SH3GL2: variants seen among roughly 807,000 people sequenced by gnomAD.
The protein encoded by SH3GL2 is endophilin-A1.
In SH3GL2, 24 loss-of-function variants were observed where a neutral mutation model predicts 46.0. The ratio of observed to expected loss-of-function variants is 0.52; its 90% confidence interval spans 0.38 to 0.73. The LOEUF (loss-of-function observed/expected upper bound fraction) is 0.73. Ranked by LOEUF, SH3GL2 falls within the 30% of genes least tolerant of loss-of-function variation. The pLI is 0.00. For synonymous variants in SH3GL2, 196 were observed against 147.1 expected (o/e 1.33, Z -2.40); for missense variants, 413 against 424.2 (o/e 0.97, Z 0.23).
Position 17,795,645 on chromosome 9 carries a change from A to T in SH3GL2, c.961A>T (p.Asn321Tyr). 6.2e-7 allele frequency: 1 copy of T among 1,614,004 alleles called. No individual in the cohort carries two copies. The highest frequency in any genetic ancestry group is 8.5e-7 in the Non-Finnish European group (1 of 1,179,874). ...AGAGGGCGATATCATCACACTCACTAACCAAATTGATGAGAACTGGTATGA... is the reference window on the plus strand; with the variant it reads ...AGAGGGCGATATCATCACACTCACTTACCAAATTGATGAGAACTGGTATGA... Reference protein sequence around the residue: ...FKEGDIITLTNQIDENWYEGM... With the variant: ...FKEGDIITLTYQIDENWYEGM... Residue 321 changes from asparagine to tyrosine, a missense_variant, in exon 9 of 9, where the codon AAC becomes TAC. Asn to Tyr is a moderately radical substitution (Grantham distance 143). Coordinates refer to ENST00000380607, the MANE Select transcript of SH3GL2 (RefSeq NM_003026.5).
chr9:17,677,133 G>A lies in SH3GL2; in HGVS notation c.46-69933G>A, dbSNP rs925550598. 6.6e-5 allele frequency among the ~76,000 whole-genome samples: 10 copies of A among 151,964 alleles called. No homozygotes were observed. In the East Asian group the frequency reaches 7.7e-4, roughly 12 times the overall value. On this transcript the variant is annotated intron_variant, in intron 1 of 8. Transcript: ENST00000380607. ...GATTTTCTGTCCTGAGAGAACCCAC[G>A]TTCATATTCTGACTTGGTCTCTGTG...
intron 1 of SH3GL2, among the ~76,000 whole-genome samples, chr9:17,629,410 T>C (rs1000701279): frequency 3.3e-5 from 5 of 152,230 alleles, no homozygotes; most frequent in African/African-American, 7.2e-5. Flanking sequence ...GAAATACTTA[T>C]TGAATGAATG....
intron 1 of SH3GL2, among the ~76,000 whole-genome samples, chr9:17,680,294 C>T (rs879564890): frequency 2.6e-5 from 4 of 152,122 alleles, no homozygotes; most frequent in Non-Finnish European, 5.9e-5. Context: ...TTAATTATTG[C>T]CTCAATTTCA....
At chr9:17,751,858 C>G (rs552073383) in intron 2 of SH3GL2, among the ~76,000 whole-genome samples, 255 of 152,178 alleles carry the variant, frequency 1.7e-3, no homozygotes, top group Non-Finnish European at 3.1e-3. Flanking sequence ...GACACACCCC[C>G]CCGGTGTGGG....
At chr9:17,610,360 A>G (rs1042284102) in intron 1 of SH3GL2, among the ~76,000 whole-genome samples, 3 of 152,132 alleles carry the variant, frequency 2.0e-5, no homozygotes, top group Non-Finnish European at 2.9e-5. Flanking sequence ...AGTGAACACT[A>G]TGTTCTGTCT....
intron 1 of SH3GL2, chr9:17,591,022 T>G (rs968780945): frequency 2.0e-5 from 3 of 152,216 alleles, no homozygotes; most frequent in African/African-American, 7.2e-5. Flanking sequence ...CTTCCCAAAG[T>G]GCTGGGATTA....
At chr9:17,621,949 C>G (rs1276841808) in intron 1 of SH3GL2, among the ~76,000 whole-genome samples, 4 of 152,082 alleles carry the variant, frequency 2.6e-5, no homozygotes, top group African/African-American at 9.7e-5. Context: ...CTGTTCTGGC[C>G]TCAGTTTTCC....
chr9:17,795,440 A>G, intron 8 of SH3GL2, 104 bp from the exon 9 acceptor site: 1 of 805,376 alleles, frequency 1.2e-6, no homozygotes, highest in South Asian at 1.7e-5. Flanking sequence ...GGGAGGAAAG[A>G]CGGGGAGCAG....
At chr9:17,605,617 G>T (rs3808767) in intron 1 of SH3GL2, among the ~76,000 whole-genome samples, 5 of 151,938 alleles carry the variant, frequency 3.3e-5, no homozygotes, top group South Asian at 4.2e-4. Context: ...CAGCTCCTCA[G>T]TGTGGGGGTC....
At chr9:17,651,688 T>C (rs1819962664) in intron 1 of SH3GL2, among the ~76,000 whole-genome samples, 1 of 152,204 alleles carries the variant, frequency 6.6e-6, no homozygotes, top group Non-Finnish European at 1.5e-5. Flanking sequence ...TTGAAAGAGA[T>C]TTGTGTTGGC....
At chr9:17,612,114 G>A (rs2134582766) in intron 1 of SH3GL2, among the ~76,000 whole-genome samples, 1 of 152,280 alleles carries the variant, frequency 6.6e-6, no homozygotes, top group South Asian at 2.1e-4. Context: ...CCCGTGACCT[G>A]TCTGTATGGG....
At chr9:17,592,357 A>G (rs1007648065) in intron 1 of SH3GL2, among the ~76,000 whole-genome samples, 2 of 152,220 alleles carry the variant, frequency 1.3e-5, no homozygotes, top group African/African-American at 2.4e-5. Flanking sequence ...ACACACAGAA[A>G]TATTTTACCA....
intron 1 of SH3GL2, among the ~76,000 whole-genome samples, chr9:17,607,862 C>G (rs893218516): frequency 2.0e-5 from 3 of 152,154 alleles, no homozygotes; most frequent in Admixed American, 6.5e-5. Context: ...GGTATCATCA[C>G]AAACTGATCA....
intron 1 of SH3GL2, among the ~76,000 whole-genome samples, chr9:17,582,670 A>G (rs1366861518): frequency 1.3e-5 from 2 of 152,244 alleles, no homozygotes; most frequent in Admixed American, 6.5e-5. Context: ...GTAACAAAGT[A>G]CTACAAACTG....
chr9:17,608,136 T>C (rs554575317), intron 1 of SH3GL2, among the ~76,000 whole-genome samples: 1 of 145,664 alleles, frequency 6.9e-6, no homozygotes, highest in East Asian at 2.1e-4. Flanking sequence ...TTAGAATTTG[T>C]AAGCTTTCCT....
At chr9:17,667,810 A>G (rs1044793249) in intron 1 of SH3GL2, among the ~76,000 whole-genome samples, 7 of 152,096 alleles carry the variant, frequency 4.6e-5, no homozygotes, top group Admixed American at 3.9e-4. Flanking sequence ...ATCTCTACCA[A>G]TACTTGCTGT....
At chr9:17,722,052 A>C (rs965757600) in intron 1 of SH3GL2, among the ~76,000 whole-genome samples, 3 of 152,054 alleles carry the variant, frequency 2.0e-5, no homozygotes, top group Non-Finnish European at 4.4e-5. Flanking sequence ...CTACGTTGCT[A>C]TATCCACTTG....
intron 1 of SH3GL2, among the ~76,000 whole-genome samples, chr9:17,594,827 T>C (rs1198086944): frequency 6.6e-6 from 1 of 152,124 alleles, no homozygotes; most frequent in Non-Finnish European, 1.5e-5. Context: ...TAATTGATAA[T>C]TGTTGAATGA....
At chr9:17,722,401 C>G (rs1821917458) in intron 1 of SH3GL2, among the ~76,000 whole-genome samples, 1 of 152,090 alleles carries the variant, frequency 6.6e-6, no homozygotes, top group African/African-American at 2.4e-5. Flanking sequence ...AAAATATTTT[C>G]TCCATGCAAT....
Sources: gnomAD v4.1 joint callset for allele counts (sites outside exome capture counted in the v4.1 genomes callset) on GRCh38, gnomAD v4.1.1 for gene constraint, MANE v1.5 for transcripts, NCBI Gene and HGNC (gene_info 2026-07-23, HGNC 2026-07-21) for gene names.